COL2A1: variants seen among roughly 807,000 people sequenced by gnomAD.
COL2A1 encodes collagen type II alpha 1 chain, also known as collagen alpha-1(II) chain.
In COL2A1, 28 loss-of-function variants were observed where a neutral mutation model predicts 204.5. That is an observed-to-expected ratio of 0.14 (90% CI 0.10 to 0.19). The LOEUF (loss-of-function observed/expected upper bound fraction) is 0.19, where lower values mean the gene tolerates loss of function less well. Ranked by LOEUF, COL2A1 falls within the 10% of genes least tolerant of loss-of-function variation. The pLI, the probability that COL2A1 is intolerant of heterozygous loss-of-function variation, is 1.00. For synonymous variants in COL2A1, 708 were observed against 718.7 expected (o/e 0.99, Z 0.24); for missense variants, 1,388 against 2,027.5 (o/e 0.68, Z 6.06).
Position 47,975,330 on chromosome 12 carries a change from A to G in COL2A1, c.3873T>C (p.Pro1291=), listed in dbSNP as rs1427175087. 1.1e-5 allele frequency: 17 copies of G among 1,613,910 alleles called. No individual in the cohort carries two copies. The highest frequency in any genetic ancestry group is 1.4e-5 in the Non-Finnish European group (17 of 1,180,022). ...CTCCAAGCTTACCACTCTTCCACTC[A>G]GGGTGGCAGAGTTTCAGGTCTCTGC... ...RTCRDLKLCH[P]EWKSGDYWID... The change falls in exon 51 of 54, where the codon CCT becomes CCC. Residue 1291 remains proline (P), a synonymous_variant. Transcript: ENST00000380518.
chr12:47,983,774 C>A, intron 29 of COL2A1, 38 bp from the exon 30 acceptor site: 1 of 1,561,214 alleles, frequency 6.4e-7, no homozygotes, highest in Non-Finnish European at 8.7e-7. Flanking sequence ...AGCCAGTGTT[C>A]CAGAGACCCT....
intron 33 of COL2A1, 57 bp from the exon 34 acceptor site, chr12:47,982,666 G>A: frequency 1.5e-6 from 2 of 1,366,682 alleles, no homozygotes; most frequent in Non-Finnish European, 1.0e-6. Flanking sequence ...CTGAACCCAT[G>A]TTCATGGAGC....
intron 8 of COL2A1, 36 bp from the exon 9 acceptor site, chr12:47,995,955 A>C: frequency 1.3e-6 from 2 of 1,574,558 alleles, no homozygotes; most frequent in Non-Finnish European, 1.7e-6. Context: ...TTTACTACAC[A>C]TGCTTCCTCA....
chr12:47,996,470 G>A, intron 8 of COL2A1, 78 bp downstream of exon 8: 2 of 1,142,442 alleles, frequency 1.8e-6, no homozygotes, highest in South Asian at 1.2e-5. Context: ...CTGTAAAGCA[G>A]AGGTTGTCAG....
chr12:47,986,030 G>C, intron 23 of COL2A1, 65 bp from the exon 24 acceptor site: 1 of 1,461,768 alleles, frequency 6.8e-7, no homozygotes. Context: ...GGCTCCAGTG[G>C]GTCCATCCCA....
At position 47,980,902 on chromosome 12, in the gene COL2A1, C is replaced by G; in HGVS notation, c.2517+13G>C. ...GAGTGGAGGGACCCAGGAGGATGGA[C>G]AGAGATACTCACAGGAGGCCCAGCA... On this transcript the variant is annotated intron_variant, in intron 38 of 53. Transcript: ENST00000380518. This position sits in a 1 kb window ranked among gnomAD's most constrained non-coding sequence, Gnocchi z 4.5. The G allele has an allele frequency of 6.4e-7, 1 of 1,552,432 alleles. No homozygotes were observed. The highest frequency in any genetic ancestry group is 1.2e-5 in the South Asian group (1 of 84,076).
intron 29 of COL2A1, 97 bp from the exon 30 acceptor site, chr12:47,983,833 A>C (rs1939235332): frequency 7.7e-7 from 1 of 1,297,458 alleles, no homozygotes; most frequent in African/African-American, 1.5e-5. Context: ...GGTGGGCAGC[A>C]CAGGCGTCTT....
intron 9 of COL2A1, 49 bp from the exon 10 acceptor site, chr12:47,995,812 A>C: frequency 2.5e-6 from 4 of 1,610,406 alleles, no homozygotes; most frequent in Non-Finnish European, 2.5e-6. Context: ...AACTGCTAAA[A>C]CATCATAGTG....
chr12:48,000,764 T>A (rs1940199142), intron 1 of COL2A1, among the ~76,000 whole-genome samples: 1 of 152,244 alleles, frequency 6.6e-6, no homozygotes, highest in Non-Finnish European at 1.5e-5. Context: ...TAGGATCTTG[T>A]CTCATTCTTT....
chr12:47,991,370 C>T (rs571413993), intron 16 of COL2A1, among the ~76,000 whole-genome samples: 1 of 152,326 alleles, frequency 6.6e-6, no homozygotes, highest in African/African-American at 2.4e-5. Flanking sequence ...CAACCCAGCC[C>T]AGTCTCCAGG....
At chr12:47,985,383 C>G (rs1266259350) in intron 26 of COL2A1, 151 bp downstream of exon 26, 1 of 845,702 alleles carries the variant, frequency 1.2e-6, no homozygotes, top group Admixed American at 1.8e-5. Context: ...CAGGTTACAT[C>G]TGGCCCCAGT....
At chr12:47,997,965 A>G (rs1940041061) in intron 5 of COL2A1, 41 bp from the exon 6 acceptor site, 1 of 1,614,050 alleles carries the variant, frequency 6.2e-7, no homozygotes, top group African/African-American at 1.3e-5. Flanking sequence ...CAAGGCCAGG[A>G]GCCTGCAGAT....
intron 16 of COL2A1, among the ~76,000 whole-genome samples, chr12:47,991,952 C>T (rs1267615761): frequency 6.6e-6 from 1 of 152,180 alleles, no homozygotes; most frequent in African/African-American, 2.4e-5. Flanking sequence ...TTGAGGGAAA[C>T]TTCTGCCAAA....
rs371211621 is a variant in COL2A1, at chr12:47,982,095, G to C, written c.2355+12C>G. On this transcript the variant is annotated intron_variant, in intron 35 of 53. Coordinates refer to ENST00000380518, the MANE Select transcript of COL2A1 (RefSeq NM_001844.5). Reference sequence around the variant, plus strand: ...CTAATGCCCAGCAGTCCAGCAGCCCGCATTCACTTACTCGTCCACCATCCT... The same window carrying C: ...CTAATGCCCAGCAGTCCAGCAGCCCCCATTCACTTACTCGTCCACCATCCT... 6.2e-7 allele frequency: 1 copy of C among 1,612,584 alleles called. No individual in the cohort carries two copies. The highest frequency in any genetic ancestry group is 2.2e-5 in the East Asian group (1 of 44,874).
chr12:47,999,694 G>T, intron 2 of COL2A1: 6 of 404,356 alleles, frequency 1.5e-5, no homozygotes, highest in Non-Finnish European at 1.7e-5. Context: ...GGAAGCAAAT[G>T]TTTTTGGAGA....
intron 15 of COL2A1, 26 bp downstream of exon 15, chr12:47,993,432 C>T (rs776839275): frequency 1.9e-6 from 3 of 1,584,944 alleles, no homozygotes; most frequent in South Asian, 2.2e-5. Flanking sequence ...CTTTGATAAA[C>T]CTTCCTGGAG....
chr12:47,994,779 G>A (rs1939872532), intron 11 of COL2A1, among the ~76,000 whole-genome samples: 1 of 152,220 alleles, frequency 6.6e-6, no homozygotes, highest in Admixed American at 6.5e-5. Flanking sequence ...CTAACCTCAA[G>A]AGACTTTTAC....
In COL2A1 at chr12:47,976,677, C is replaced by T. The variant is rs1938724006; in HGVS notation, c.3436-110G>A. ...CCCAGCCCCATTCCCTTTCCACTTCCTCCTCCCTCCAGCCCTGAGGAAATC... is the reference window on the plus strand; with the variant it reads ...CCCAGCCCCATTCCCTTTCCACTTCTTCCTCCCTCCAGCCCTGAGGAAATC... On this transcript the variant is annotated intron_variant, in intron 48 of 53. Coordinates refer to ENST00000380518, the MANE Select transcript of COL2A1 (RefSeq NM_001844.5). This position sits in a 1 kb window ranked among gnomAD's most constrained non-coding sequence, Gnocchi z 4.3. 22 of 1,375,940 alleles carry T rather than the reference C, an allele frequency of 1.6e-5. No individual in the cohort carries two copies. The highest frequency in any genetic ancestry group is 5.6e-5 in the Admixed American group (3 of 53,980). 85.2% of individuals were successfully genotyped at this position (1,375,940 alleles called of 1,614,324 possible).
rs1316949978 is a variant in COL2A1, at chr12:47,973,012, A to ATTGATTATTT, written c.*394_*395insAAATAATCAA. ...ATTTTTAATATCAATTGATGTTTTA[A>ATTGATTATTT]AAAATACAGAGGTGTTTGACACAGA... On this transcript the variant is annotated 3_prime_UTR_variant, in exon 54 of 54. Coordinates refer to ENST00000380518, the MANE Select transcript of COL2A1 (RefSeq NM_001844.5). The ATTGATTATTT allele has an allele frequency of 6.8e-5, 34 of 501,716 alleles. No homozygotes were observed. Among genetic ancestry groups the ATTGATTATTT allele is most frequent in the Non-Finnish European group, 6.3e-5 (18 of 286,590 alleles). The allele number at this position is 501,716 out of a possible 1,614,324, so 31.1% of individuals were successfully genotyped here.
Sources: allele counts gnomAD v4.1 joint callset (sites outside exome capture counted in the v4.1 genomes callset), GRCh38; gene constraint gnomAD v4.1.1; non-coding constraint Gnocchi (gnomAD v3.1); transcripts MANE v1.5; gene names NCBI Gene and HGNC (gene_info 2026-07-23, HGNC 2026-07-21).